The following ZNF385D variants were observed in gnomAD, a reference collection of about 807,000 sequenced individuals.
The protein encoded by ZNF385D is zinc finger protein 659.
A neutral mutation model predicts 35.8 loss-of-function variants in ZNF385D; 15 were observed. The ratio of observed to expected loss-of-function variants is 0.42; its 90% CI spans 0.28 to 0.64. ZNF385D has a LOEUF of 0.64. Ranked by LOEUF, ZNF385D falls within the 30% of genes least tolerant of loss-of-function variation. ZNF385D has a pLI of 0.23. For missense variants in ZNF385D, 474 were observed against 494.6 expected, an observed-to-expected ratio of 0.96 and a Z score of 0.39; for synonymous variants, 212 against 186.8, an observed-to-expected ratio of 1.13 and a Z score of -1.10.
intron 3 of ZNF385D, among the ~76,000 whole-genome samples, chr3:21,917,171 G>C (rs7646883): frequency 0.54 from 81,315 of 151,980 alleles, 23,803 homozygotes; most frequent in South Asian, 0.66. Flanking sequence ...GTGGCTCATG[G>C]CTGTAATCCC....
intron 4 of ZNF385D, among the ~76,000 whole-genome samples, chr3:21,488,860 G>T (rs751676098): frequency 6.6e-6 from 1 of 152,044 alleles, no homozygotes; most frequent in Non-Finnish European, 1.5e-5. Flanking sequence ...GCATTTATTT[G>T]TTTAACTTTC....
In ZNF385D at chr3:21,473,521, A is replaced by T. The variant is rs190726849; in HGVS notation, c.440-36318T>A. 4.5e-4 allele frequency among the ~76,000 whole-genome samples: 68 copies of T among 152,118 alleles called. 1 individual carries two copies. Among genetic ancestry groups the T allele is most frequent in the African/African-American group, 1.5e-3 (64 of 41,510 alleles). On this transcript the variant is annotated intron_variant, in intron 4 of 7. Transcript: ENST00000281523. The stretch of plus-strand genomic sequence containing the variant: ...TTGTAGGGTGTCTCCCTGATACTGC[A>T]AGTGGCCCCTTGTTGAACCAATGCT...
intron 3 of ZNF385D, among the ~76,000 whole-genome samples, chr3:21,883,438 A>C (rs576118036): frequency 6.6e-6 from 1 of 152,142 alleles, no homozygotes; most frequent in Admixed American, 6.6e-5. Flanking sequence ...TTCATTTTTC[A>C]CATCTATAAA....
chr3:21,797,368 G>C (rs560999739), intron 3 of ZNF385D, among the ~76,000 whole-genome samples: 35 of 152,276 alleles, frequency 2.3e-4, no homozygotes, highest in African/African-American at 8.2e-4. Flanking sequence ...GAAGCAACTG[G>C]AACTCTGATT....
intron 3 of ZNF385D, among the ~76,000 whole-genome samples, chr3:21,882,515 A>G (rs1244134319): frequency 2.0e-5 from 3 of 152,012 alleles, no homozygotes; most frequent in Non-Finnish European, 4.4e-5. Context: ...AAAACAAAAA[A>G]TGTGTGTGAC....
intron 2 of ZNF385D, among the ~76,000 whole-genome samples, chr3:22,183,144 A>G (rs1039760646): frequency 6.6e-6 from 1 of 152,176 alleles, no homozygotes; most frequent in African/African-American, 2.4e-5. Context: ...AAAGAAAAAT[A>G]ATGAGTTAAA....
intron 4 of ZNF385D, among the ~76,000 whole-genome samples, chr3:21,508,654 C>T (rs1442895969): frequency 1.3e-5 from 2 of 152,076 alleles, no homozygotes; most frequent in East Asian, 1.9e-4. Context: ...ATAAGACCAC[C>T]CCAACCAATG....
At chr3:21,907,300 T>C (rs1433058942) in intron 3 of ZNF385D, among the ~76,000 whole-genome samples, 6 of 152,184 alleles carry the variant, frequency 3.9e-5, no homozygotes, top group Admixed American at 6.6e-5. Flanking sequence ...ATTGCCAACA[T>C]TGTGGTATAT....
At chr3:22,233,503 G>A (rs970627872) in intron 2 of ZNF385D, among the ~76,000 whole-genome samples, 1 of 152,156 alleles carries the variant, frequency 6.6e-6, no homozygotes, top group Non-Finnish European at 1.5e-5. Context: ...GTCCCATGGT[G>A]TATATAGGAA....
intron 2 of ZNF385D, among the ~76,000 whole-genome samples, chr3:21,602,517 CTTTTTTTTTTTT>C (rs746138066): frequency 4.0e-4 from 25 of 62,718 alleles, no homozygotes; most frequent in Middle Eastern, 8.3e-3. Context: ...CCTGCATTTT[CTTTTTTTTTTTT>C]TTTTTTTTTT....
At chr3:21,577,069 T>C (rs555449005) in intron 2 of ZNF385D, among the ~76,000 whole-genome samples, 7 of 152,294 alleles carry the variant, frequency 4.6e-5, no homozygotes, top group African/African-American at 1.7e-4. Flanking sequence ...TTAATCTATA[T>C]CTTTAATAAA....
At chr3:22,096,740 G>T (rs1211545975) in intron 3 of ZNF385D, among the ~76,000 whole-genome samples, 1 of 151,986 alleles carries the variant, frequency 6.6e-6, no homozygotes, top group Non-Finnish European at 1.5e-5. Flanking sequence ...TATGTGTCAT[G>T]GCACATGAAA....
chr3:22,211,494 C>T (rs1164753877), intron 2 of ZNF385D, among the ~76,000 whole-genome samples: 1 of 152,002 alleles, frequency 6.6e-6, no homozygotes, highest in South Asian at 2.1e-4. Context: ...CTTACATGAG[C>T]ATTTGGAATT....
chr3:22,246,476 A>G (rs1013832662), intron 2 of ZNF385D, among the ~76,000 whole-genome samples: 5 of 152,132 alleles, frequency 3.3e-5, no homozygotes, highest in African/African-American at 1.2e-4. Flanking sequence ...AGAAAAACCA[A>G]TCTATAAGTG....
intron 3 of ZNF385D, among the ~76,000 whole-genome samples, chr3:21,969,197 T>G (rs887483419): frequency 6.6e-6 from 1 of 152,124 alleles, no homozygotes; most frequent in African/African-American, 2.4e-5. Flanking sequence ...TCAGCCACAG[T>G]AGAATGAAGC....
In ZNF385D at chr3:22,242,241, A is replaced by T. The variant is rs977140712; in HGVS notation, c.107-73206T>A. Among the ~76,000 whole-genome samples, 37 of 151,110 alleles carry T rather than the reference A, an allele frequency of 2.4e-4. 1 individual carries two copies. Among genetic ancestry groups the T allele is most frequent in the Non-Finnish European group, 5.9e-5 (4 of 67,952 alleles). On this transcript the variant is annotated intron_variant, in intron 2 of 5. Coordinates refer to the ZNF385D transcript ENST00000494108. ...AAAGTATAATAATAAAAGAAAAAAA[A>T]ATATCCACTCCCTAAGAAGGTGATT...
rs140397342 is a variant in ZNF385D at position 22,358,026 on chromosome 3, A to C, written c.106+14424T>G. Among the ~76,000 whole-genome samples the C allele has an allele frequency of 9.2e-5, 14 of 152,016 alleles. No individual in the cohort carries two copies. The East Asian group carries it at 2.5e-3, about 27-fold the overall frequency. On this transcript the variant is annotated intron_variant, in intron 2 of 5. Coordinates refer to the ZNF385D transcript ENST00000494108. ...TGAGCTCCTGGAAAGAAAATGTTGA[A>C]TTATATCCATATTTCCAAAGTTTGT...
chr3:21,954,269 A>G (rs990506914), intron 3 of ZNF385D, among the ~76,000 whole-genome samples: 4 of 151,944 alleles, frequency 2.6e-5, no homozygotes, highest in African/African-American at 7.2e-5. Flanking sequence ...TAACACTTAC[A>G]TATTAGGTGA....
chr3:21,545,183 C>T (rs2062329278), intron 3 of ZNF385D, among the ~76,000 whole-genome samples: 2 of 152,152 alleles, frequency 1.3e-5, no homozygotes. Context: ...TATTCACAGA[C>T]AATTTTTGTC....
Sources: allele counts gnomAD v4.1 joint callset (sites outside exome capture counted in the v4.1 genomes callset), GRCh38; gene constraint gnomAD v4.1.1; transcripts MANE v1.5; gene names NCBI Gene and HGNC (gene_info 2026-07-23, HGNC 2026-07-21).